Variants in SOX5 observed in about 807,000 individuals in gnomAD.
The protein encoded by SOX5 is transcription factor SOX-5.
In SOX5, 9 loss-of-function variants were observed where a neutral mutation model predicts 92.0. The observed-to-expected ratio is 0.10, with a 90% confidence interval of 0.06 to 0.17. The LOEUF (loss-of-function observed/expected upper bound fraction) is 0.17. SOX5 is among the 10% of genes least tolerant of loss of function. SOX5 has a pLI of 1.00. For missense variants in SOX5, 642 were observed against 944.5 expected (o/e 0.68, Z 4.20); for synonymous variants, 344 against 336.3 (o/e 1.02, Z -0.25).
At chr12:23,715,979 T>G (rs569396988) in intron 6 of SOX5, among the ~76,000 whole-genome samples, 1 of 152,312 alleles carries the variant, frequency 6.6e-6, no homozygotes, top group South Asian at 2.1e-4. Context: ...TAGCTAAAAT[T>G]TCCATAAGTA....
intron 4 of SOX5, among the ~76,000 whole-genome samples, chr12:24,068,464 T>C (rs1941155431): frequency 6.6e-6 from 1 of 151,892 alleles, no homozygotes; most frequent in East Asian, 1.9e-4. Flanking sequence ...ATTAGCTCTA[T>C]AGTATATACT....
intron 9 of SOX5, among the ~76,000 whole-genome samples, chr12:23,576,932 A>G (rs1949210086): frequency 6.6e-6 from 1 of 151,354 alleles, no homozygotes; most frequent in Admixed American, 6.6e-5. Context: ...TAGCTATTTC[A>G]CGAGTTAAGA....
At chr12:24,477,455 T>C (rs546333805) in intron 1 of SOX5, among the ~76,000 whole-genome samples, 7 of 152,262 alleles carry the variant, frequency 4.6e-5, no homozygotes, top group African/African-American at 1.2e-4. Flanking sequence ...CATTGCTATA[T>C]GCTATACTAG....
At chr12:23,908,243 A>T (rs945785902) in intron 1 of SOX5, among the ~76,000 whole-genome samples, 3 of 152,148 alleles carry the variant, frequency 2.0e-5, no homozygotes, top group Non-Finnish European at 4.4e-5. Context: ...CCGTCTAAAG[A>T]AAACCTCCAG....
intron 3 of SOX5, among the ~76,000 whole-genome samples, chr12:24,272,389 A>G (rs946681767): frequency 6.6e-6 from 1 of 152,144 alleles, no homozygotes; most frequent in Non-Finnish European, 1.5e-5. Context: ...TACTGCATTG[A>G]CTAGGATTTC....
In SOX5 at chr12:24,250,411, A is replaced by C. The variant is rs142416860; in HGVS notation, c.-77+26805T>G. The stretch of plus-strand genomic sequence containing the variant: ...CTTATTACCCCAGCAAGAGATAGAC[A>C]CTTTTTGAGACGCAGCCTAAACAAG... On this transcript the variant is annotated intron_variant, in intron 3 of 4. Transcript: ENST00000446891. Among the ~76,000 whole-genome samples, 941 of 152,310 alleles carry C rather than the reference A, an allele frequency of 6.2e-3. 10 individuals are homozygous for C. Among genetic ancestry groups the C allele is most frequent in the African/African-American group, 0.021 (856 of 41,560 alleles).
chr12:23,647,138 A>G (rs2080959781), intron 7 of SOX5, among the ~76,000 whole-genome samples: 2 of 152,230 alleles, frequency 1.3e-5, no homozygotes, highest in South Asian at 4.1e-4. Flanking sequence ...TTGGCTGTAG[A>G]ACAAATGTTG....
intron 1 of SOX5, among the ~76,000 whole-genome samples, chr12:24,369,700 T>C (rs1187565754): frequency 6.6e-6 from 1 of 152,218 alleles, no homozygotes; most frequent in Non-Finnish European, 1.5e-5. Context: ...TTCAAGCAAA[T>C]TGCTGAAGCT....
intron 2 of SOX5, among the ~76,000 whole-genome samples, chr12:23,890,598 T>C (rs765858364): frequency 6.6e-6 from 1 of 152,126 alleles, no homozygotes; most frequent in Non-Finnish European, 1.5e-5. Flanking sequence ...CAGCTGCTTC[T>C]GATATTGCTA....
chr12:23,590,596 C>A (rs1366196237), intron 9 of SOX5, among the ~76,000 whole-genome samples: 1 of 152,054 alleles, frequency 6.6e-6, no homozygotes, highest in Non-Finnish European at 1.5e-5. Flanking sequence ...TTGAATAGCA[C>A]TTAGCCTACA....
chr12:24,501,987 C>T (rs1597362432), intron 1 of SOX5, among the ~76,000 whole-genome samples: 1 of 152,226 alleles, frequency 6.6e-6, no homozygotes, highest in South Asian at 2.1e-4. Flanking sequence ...TAATGCTCTC[C>T]AGTCTCTTCA....
intron 4 of SOX5, among the ~76,000 whole-genome samples, chr12:23,959,476 A>G (rs1946653993): frequency 6.6e-6 from 1 of 152,098 alleles, no homozygotes; most frequent in South Asian, 2.1e-4. Flanking sequence ...ACATGAGTGA[A>G]CTGAAATATA....
chr12:24,114,299 G>A (rs990206657), intron 4 of SOX5, among the ~76,000 whole-genome samples: 8 of 151,836 alleles, frequency 5.3e-5, no homozygotes, highest in Non-Finnish European at 7.4e-5. Context: ...CATAAAAGAC[G>A]AGAACAGTGG....
chr12:24,412,471 C>T (rs986164499), intron 1 of SOX5, among the ~76,000 whole-genome samples: 6 of 151,910 alleles, frequency 3.9e-5, no homozygotes, highest in Non-Finnish European at 8.8e-5. Context: ...CAAATTTTTA[C>T]GTGTTCTATT....
intron 5 of SOX5, among the ~76,000 whole-genome samples, chr12:23,737,617 G>C (rs1472657923): frequency 6.6e-6 from 1 of 152,126 alleles, no homozygotes; most frequent in Non-Finnish European, 1.5e-5. Context: ...CAAAAAGCCG[G>C]TGTACATATA....
intron 1 of SOX5, among the ~76,000 whole-genome samples, chr12:24,427,533 A>G (rs1966852110): frequency 6.6e-6 from 1 of 152,242 alleles, no homozygotes; most frequent in South Asian, 2.1e-4. Context: ...ACTTTTCTTC[A>G]GGATTAATTG....
intron 2 of SOX5, among the ~76,000 whole-genome samples, chr12:23,846,501 T>A (rs1227535306): frequency 6.6e-6 from 1 of 152,208 alleles, no homozygotes; most frequent in Non-Finnish European, 1.5e-5. Context: ...AAACTGAGTA[T>A]AAATGACAAT....
chr12:24,079,907 C>A lies in SOX5; in HGVS notation c.-2+133436G>T, dbSNP rs540227697. Among the ~76,000 whole-genome samples, 197 of 151,952 alleles carry A rather than the reference C, an allele frequency of 1.3e-3. 1 individual carries two copies. The highest frequency in any genetic ancestry group is 4.5e-3 in the Admixed American group (69 of 15,232). ...GTAGCACATTAACATCCTCATAATT[C>A]TACCTATGAGTTTTAAGATAGCGTA... On this transcript the variant is annotated intron_variant, in intron 4 of 4. Transcript: ENST00000446891.
chr12:23,650,136 G>T (rs981213876), intron 7 of SOX5, among the ~76,000 whole-genome samples: 1 of 152,062 alleles, frequency 6.6e-6, no homozygotes, highest in Non-Finnish European at 1.5e-5. Context: ...TCTTAATCAA[G>T]TGAGGAGGAT....
Sources: allele counts gnomAD v4.1 joint callset (sites outside exome capture counted in the v4.1 genomes callset), GRCh38; gene constraint gnomAD v4.1.1; transcripts MANE v1.5; gene names NCBI Gene and HGNC (gene_info 2026-07-23, HGNC 2026-07-21).